The following EPB41L3 variants were observed in gnomAD, a reference collection of about 807,000 sequenced individuals.
EPB41L3 encodes the protein band 4.1-like protein 3.
EPB41L3 carries 57 observed loss-of-function variants against 127.1 expected under a neutral mutation model. The ratio of observed to expected loss-of-function variants is 0.45; its 90% CI spans 0.36 to 0.56. The LOEUF (loss-of-function observed/expected upper bound fraction) is 0.56, where lower values mean the gene tolerates loss of function less well. Ranked by LOEUF, EPB41L3 falls within the 20% of genes least tolerant of loss-of-function variation. The pLI is 0.00. For synonymous variants in EPB41L3, 572 were observed against 549.5 expected, an observed-to-expected ratio of 1.04 and a Z score of -0.57; for missense variants, 1,273 against 1,372.2, an observed-to-expected ratio of 0.93 and a Z score of 1.14.
intron 6 of EPB41L3, among the ~76,000 whole-genome samples, chr18:5,434,466 A>G (rs1056581383): frequency 5.3e-5 from 8 of 152,228 alleles, no homozygotes; most frequent in Admixed American, 5.2e-4. Context: ...TCCCCAATAC[A>G]GTTCCTGAAA....
chr18:5,503,989 T>A (rs1434051237), intron 1 of EPB41L3, among the ~76,000 whole-genome samples: 1 of 152,256 alleles, frequency 6.6e-6, no homozygotes, highest in Non-Finnish European at 1.5e-5. Context: ...CCTATATTAG[T>A]AATGATTATT....
intron 1 of EPB41L3, among the ~76,000 whole-genome samples, chr18:5,534,966 G>C (rs898291529): frequency 6.6e-6 from 1 of 152,082 alleles, no homozygotes; most frequent in Non-Finnish European, 1.5e-5. Context: ...TCTGCAACAA[G>C]GATTCCCCAC....
chr18:5,546,182 GA>G (rs2093878477), upstream of EPB41L3, among the ~76,000 whole-genome samples: 1 of 152,122 alleles, frequency 6.6e-6, no homozygotes, highest in East Asian at 1.9e-4. Flanking sequence ...AATAGTGTCT[GA>G]ATGGCAATTT....
In EPB41L3 at chr18:5,616,397, G is replaced by C. The variant is rs143974271; in HGVS notation, c.-467-1974C>G. ...TTTGATGATTCCCCAGAACTGGAGC[G>C]ATCACTAAAAAAATGCACCTAAAGT... On this transcript the variant is annotated intron_variant, in intron 1 of 21. Transcript: ENST00000545076. Among the ~76,000 whole-genome samples, 152 of 152,006 alleles carry C rather than the reference G, an allele frequency of 1.0e-3. 2 individuals are homozygous for C. In the East Asian group the frequency reaches 0.025, roughly 25 times the overall value.
At chr18:5,399,033 T>C (rs1296980740) in intron 16 of EPB41L3, 1 of 399,084 alleles carries the variant, frequency 2.5e-6, no homozygotes, top group Non-Finnish European at 4.4e-6. Flanking sequence ...GGGAATGATC[T>C]TCATGGACTC....
At chr18:5,480,871 C>T (rs2088340880) in intron 2 of EPB41L3, 1 of 151,972 alleles carries the variant, frequency 6.6e-6, no homozygotes, top group Non-Finnish European at 1.5e-5. Context: ...TAATTATCTC[C>T]CATTTTCATG....
intron 3 of EPB41L3, among the ~76,000 whole-genome samples, chr18:5,451,717 C>T (rs183748687): frequency 3.5e-4 from 53 of 152,262 alleles, no homozygotes; most frequent in Admixed American, 2.9e-3. Context: ...GCAATGACAC[C>T]GAAGCAATGT....
At chr18:5,396,686 C>T (rs547843756) in intron 18 of EPB41L3, among the ~76,000 whole-genome samples, 2 of 152,238 alleles carry the variant, frequency 1.3e-5, no homozygotes, top group African/African-American at 2.4e-5. Flanking sequence ...ATTTAGGACC[C>T]GGGTAAACAT....
At chr18:5,627,676 A>G (rs996762739) in intron 1 of EPB41L3, among the ~76,000 whole-genome samples, 3 of 152,242 alleles carry the variant, frequency 2.0e-5, no homozygotes, top group African/African-American at 7.2e-5. Context: ...GCCCTGGTCT[A>G]CACAAACATT....
At chr18:5,457,725 T>C (rs528471972) in intron 3 of EPB41L3, among the ~76,000 whole-genome samples, 1 of 152,164 alleles carries the variant, frequency 6.6e-6, no homozygotes, top group Admixed American at 6.5e-5. Flanking sequence ...CTACCTCACC[T>C]CGCTCCCTGT....
intron 3 of EPB41L3, chr18:5,467,688 T>C (rs2085253106): frequency 6.6e-6 from 1 of 152,254 alleles, no homozygotes; most frequent in Non-Finnish European, 1.5e-5. Context: ...TGTACAGAAT[T>C]ACAAATACAG....
intron 3 of EPB41L3, among the ~76,000 whole-genome samples, chr18:5,588,143 G>C (rs2094456076): frequency 6.6e-6 from 1 of 152,076 alleles, no homozygotes; most frequent in Admixed American, 6.6e-5. Context: ...AAGTTGCAAG[G>C]AGTCATATAC....
chr18:5,630,260 C>T, upstream of EPB41L3: 2 of 432,130 alleles, frequency 4.6e-6, no homozygotes, highest in Non-Finnish European at 4.5e-6. Context: ...CCCTTCCTCG[C>T]TTTCTCCCCC....
At chr18:5,501,360 A>G (rs1872265714) in intron 1 of EPB41L3, among the ~76,000 whole-genome samples, 1 of 152,308 alleles carries the variant, frequency 6.6e-6, no homozygotes, top group South Asian at 2.1e-4. Flanking sequence ...TCTACAAATG[A>G]TATCTTGGGA....
At chr18:5,582,902 G>C (rs1312885645) in intron 3 of EPB41L3, among the ~76,000 whole-genome samples, 3 of 152,316 alleles carry the variant, frequency 2.0e-5, no homozygotes, top group Non-Finnish European at 2.9e-5. Context: ...GCCCGGGAGT[G>C]GGGGCAGCCA....
intron 1 of EPB41L3, among the ~76,000 whole-genome samples, chr18:5,524,931 G>A (rs1054003883): frequency 3.9e-5 from 6 of 152,164 alleles, no homozygotes; most frequent in Non-Finnish European, 7.4e-5. Context: ...AAAGCAAGTG[G>A]GGGAGGGGCT....
rs2094686051 is a variant in EPB41L3 at position 5,608,328 on chromosome 18, A to AG, written c.-306+4011dup. ...CAAACCAGTAGGCATTATGCCATAC[A>AG]GCTAGCAACGTATACATGCAAAAAA... On this transcript the variant is annotated intron_variant, in intron 3 of 21. Transcript: ENST00000545076. 2.0e-5 allele frequency among the ~76,000 whole-genome samples: 3 copies of AG among 152,172 alleles called. No individual in the cohort carries two copies. In the South Asian group the frequency reaches 6.2e-4, roughly 32 times the overall value.
Position 5,417,762 on chromosome 18 carries a change from G to A in EPB41L3, c.1507-1384C>T, listed in dbSNP as rs572621553. Reference sequence around the variant, plus strand: ...AGGGTCTCTTTTTACGATGAGAGAAGTATGTCTTTTCCCACACATTTGCAT... The same window carrying A: ...AGGGTCTCTTTTTACGATGAGAGAAATATGTCTTTTCCCACACATTTGCAT... On this transcript the variant is annotated intron_variant, in intron 12 of 22. Coordinates refer to ENST00000341928, the MANE Select transcript of EPB41L3 (RefSeq NM_012307.5). Among the ~76,000 whole-genome samples the A allele has an allele frequency of 1.3e-3, 196 of 152,334 alleles. 2 individuals are homozygous for A. Among genetic ancestry groups the A allele is most frequent in the Non-Finnish European group, 2.5e-3 (167 of 68,038 alleles).
At chr18:5,401,849 C>T (rs115192405) in intron 16 of EPB41L3, among the ~76,000 whole-genome samples, 2 of 151,950 alleles carry the variant, frequency 1.3e-5, no homozygotes, top group Non-Finnish European at 2.9e-5. Flanking sequence ...CTAAGTTGAA[C>T]CAAGCGTTCA....
Sources: gnomAD v4.1 joint callset for allele counts (sites outside exome capture counted in the v4.1 genomes callset) on GRCh38, gnomAD v4.1.1 for gene constraint, MANE v1.5 for transcripts, NCBI Gene and HGNC (gene_info 2026-07-23, HGNC 2026-07-21) for gene names.